Variants in P2RX4 observed in about 807,000 individuals in gnomAD.
P2RX4 encodes P2X purinoceptor 4.
In P2RX4, 37 loss-of-function variants were observed where a neutral mutation model predicts 48.0. The ratio of observed to expected loss-of-function variants is 0.77; its 90% CI spans 0.59 to 1.01. P2RX4 has a LOEUF of 1.01. Ranked by LOEUF, P2RX4 falls within the 50% of genes least tolerant of loss-of-function variation. The pLI, the probability that P2RX4 is intolerant of heterozygous loss-of-function variation, is 0.00. For missense variants in P2RX4, 501 were observed against 521.4 expected, an observed-to-expected ratio of 0.96 and a Z score of 0.38; for synonymous variants, 200 against 199.7, an observed-to-expected ratio of 1.00 and a Z score of -0.01.
chr12:121,225,900 T>G (rs1463849438), intron 5 of P2RX4, among the ~76,000 whole-genome samples: 1 of 152,078 alleles, frequency 6.6e-6, no homozygotes, highest in African/African-American at 2.4e-5. Flanking sequence ...ACTTTTTTTT[T>G]GACACAGGAT....
intron 5 of P2RX4, among the ~76,000 whole-genome samples, chr12:121,227,921 A>C (rs1232682753): frequency 6.7e-6 from 1 of 148,544 alleles, no homozygotes; most frequent in African/African-American, 2.5e-5. Flanking sequence ...CTTCATGTCT[A>C]CAAAAAAAAA....
chr12:121,231,178 G>A (rs773070368), intron 8 of P2RX4, among the ~76,000 whole-genome samples: 3 of 151,642 alleles, frequency 2.0e-5, no homozygotes, highest in South Asian at 2.1e-4. Flanking sequence ...TATTAGAGAC[G>A]GGGTTTCTCC....
intron 5 of P2RX4, among the ~76,000 whole-genome samples, chr12:121,225,055 A>G (rs1194281299): frequency 6.6e-6 from 1 of 150,732 alleles, no homozygotes; most frequent in Non-Finnish European, 1.5e-5. Flanking sequence ...TAGGAAGTGC[A>G]CTTATCATCA....
chr12:121,232,809 C>A lies in P2RX4; in HGVS notation c.1044+133C>A. The A allele has an allele frequency of 1.1e-6, 1 of 914,722 alleles. No individual in the cohort carries two copies. 56.7% of individuals were successfully genotyped at this position (914,722 alleles called of 1,614,324 possible). Reference sequence around the variant, plus strand: ...CCCTCCTACCTTCTTTCCCTTGGCCCCCAGCCCTCCTCCCACCTTCCCTTC... The same window carrying A: ...CCCTCCTACCTTCTTTCCCTTGGCCACCAGCCCTCCTCCCACCTTCCCTTC... On this transcript the variant is annotated intron_variant, in intron 10 of 11. Coordinates refer to ENST00000337233, the MANE Select transcript of P2RX4 (RefSeq NM_002560.3). This position sits in a 1 kb window ranked among gnomAD's most constrained non-coding sequence, Gnocchi z 4.3.
rs2136251693 is a variant in P2RX4 at position 121,233,721 on chromosome 12, T to C, written c.*172T>C. 2.1e-6 allele frequency: 3 copies of C among 1,462,386 alleles called. No individual in the cohort carries two copies. Among genetic ancestry groups the C allele is most frequent in the Admixed American group, 4.5e-5 (2 of 44,416 alleles). 90.6% of individuals were successfully genotyped at this position (1,462,386 alleles called of 1,614,324 possible). ...CCTGTGTGTTGTGTGCAGGATCTGT[T>C]TGCCCACTCGGCCCAGGAGGTCAGC... is the stretch of plus-strand genomic sequence containing the variant. On this transcript the variant is annotated 3_prime_UTR_variant, in exon 12 of 12. Transcript: ENST00000337233.
At chr12:121,214,169 T>G (rs1433344783) in intron 1 of P2RX4, 1 of 152,136 alleles carries the variant, frequency 6.6e-6, no homozygotes, top group African/African-American at 2.4e-5. Flanking sequence ...GCCACTGCAC[T>G]TCAGCCTGGG....
chr12:121,216,976 A>G lies in P2RX4; in HGVS notation c.135-158A>G, dbSNP rs1273066170. The G allele has an allele frequency of 6.5e-6, 5 of 770,914 alleles. No homozygotes were observed. The African/African-American group carries it at 6.8e-5, about 10-fold the overall frequency. The allele number at this position is 770,914 out of a possible 1,614,324, so 47.8% of individuals were successfully genotyped here. On this transcript the variant is annotated intron_variant, in intron 1 of 11. Coordinates refer to ENST00000337233, the MANE Select transcript of P2RX4 (RefSeq NM_002560.3). ...TTAGGTGCTACCATCCCCATTTGGC[A>G]GAAGTGGAAATGGAGTCCCCTAGAA...
At chr12:121,224,433 G>A (rs1388454355) in intron 5 of P2RX4, among the ~76,000 whole-genome samples, 1 of 151,758 alleles carries the variant, frequency 6.6e-6, no homozygotes, top group Non-Finnish European at 1.5e-5. Flanking sequence ...GAGAAACCCC[G>A]TCTCCACTAA....
Position 121,232,598 on chromosome 12 carries a change from G to A in P2RX4, c.979-13G>A, listed in dbSNP as rs556691788. 13 of 1,613,344 alleles carry A rather than the reference G, an allele frequency of 8.1e-6. No homozygotes were observed. Among genetic ancestry groups the A allele is most frequent in the African/African-American group, 4.0e-5 (3 of 74,970 alleles). On this transcript the variant is annotated splice_polypyrimidine_tract_variant and intron_variant, in intron 9 of 11. Transcript: ENST00000337233. The surrounding 1 kb of genome is among the most constrained non-coding windows in gnomAD (Gnocchi z 4.3). The stretch of plus-strand genomic sequence containing the variant: ...TGCAGAAACACTTTTTTTCTTTTTC[G>A]GTGTCTTGGCAGGCAGGGAAATTTG...
In P2RX4 at chr12:121,232,385, TC is replaced by T. The variant is rs757866300; in HGVS notation, c.885-24del. On this transcript the variant is annotated intron_variant, in intron 8 of 11. Transcript: ENST00000337233. The surrounding 1 kb of genome is among the most constrained non-coding windows in gnomAD (Gnocchi z 4.3). The stretch of plus-strand genomic sequence containing the variant: ...GGCCCAAGGTCCTGCCCCAGCCATC[TC>T]CCCCTGATCCATCCTCCTTCCCCTC... 3.2e-4 allele frequency: 478 copies of T among 1,508,874 alleles called. No individual in the cohort carries two copies. Among genetic ancestry groups the T allele is most frequent in the Non-Finnish European group, 4.1e-4 (445 of 1,088,332 alleles). The allele number at this position is 1,508,874 out of a possible 1,614,324, so 93.5% of individuals were successfully genotyped here.
At chr12:121,233,450 G>A in intron 11 of P2RX4, 73 bp from the exon 12 acceptor site, 1 of 1,517,386 alleles carries the variant, frequency 6.6e-7, no homozygotes, top group African/African-American at 1.4e-5. Context: ...TGAAGTCCCA[G>A]GAGCGCACCT....
intron 8 of P2RX4, among the ~76,000 whole-genome samples, chr12:121,230,982 ATTTTTT>A (rs1306580537): frequency 8.8e-6 from 1 of 113,256 alleles, no homozygotes; most frequent in Non-Finnish European, 1.9e-5. Flanking sequence ...ATATATATAT[ATTTTTT>A]TTTTTTTCTT....
chr12:121,231,661 C>T (rs959194505), intron 8 of P2RX4, among the ~76,000 whole-genome samples: 4 of 152,200 alleles, frequency 2.6e-5, no homozygotes, highest in South Asian at 4.1e-4. Context: ...TGTTGACAGA[C>T]GACGTTTTGT....
chr12:121,223,416 G>C (rs985694594), intron 5 of P2RX4: 1 of 312,184 alleles, frequency 3.2e-6, no homozygotes, highest in African/African-American at 2.2e-5. Flanking sequence ...TCAACTCTGC[G>C]TGTCAGCCTT....
chr12:121,230,444 C>T (rs778090840), intron 8 of P2RX4, among the ~76,000 whole-genome samples: 1 of 152,248 alleles, frequency 6.6e-6, no homozygotes, highest in Non-Finnish European at 1.5e-5. Context: ...GTGCTTTGGG[C>T]TGCACTTGCC....
Position 121,217,173 on chromosome 12 carries a change from C to T in P2RX4, c.174C>T (p.Asp58=), listed in dbSNP as rs765180899. 2.6e-5 allele frequency: 42 copies of T among 1,614,070 alleles called. No individual in the cohort carries two copies. In the East Asian group the frequency reaches 4.5e-4, roughly 17 times the overall value. Residue 58 remains aspartate (D), a synonymous_variant, in exon 2 of 12, where the codon GAC becomes GAT. Coordinates refer to ENST00000337233, the MANE Select transcript of P2RX4 (RefSeq NM_002560.3). ...GGGAAAAGGGCTACCAGGAAACTGA[C>T]TCCGTGGTCAGCTCCGTTACGACCA... The part of the protein sequence containing the change: ...FVWEKGYQET[D]SVVSSVTTKV...
rs1887183759 is a variant in P2RX4, at chr12:121,229,080, T to C, written c.865T>C (p.Ser289Pro). The C allele has an allele frequency of 1.2e-6, 2 of 1,613,996 alleles. No individual in the cohort carries two copies. Among genetic ancestry groups the C allele is most frequent in the Non-Finnish European group, 1.7e-6 (2 of 1,180,020 alleles). Residue 289 changes from serine to proline, a missense_variant, in exon 8 of 12, where the codon TCT (serine) becomes CCT (proline). Coordinates refer to ENST00000337233, the MANE Select transcript of P2RX4 (RefSeq NM_002560.3). The surrounding 1 kb of genome is among the most constrained non-coding windows in gnomAD (Gnocchi z 4.6). ...TACACGGGACGTTGAGCACAACGTA[T>C]CTCCTGGCTACAATTTCAGGTGGGC... is the stretch of plus-strand genomic sequence containing the variant. ...LDTRDVEHNV[S>P]PGYNFRFAKY...
Position 121,233,790 on chromosome 12 carries a change from G to C in P2RX4, c.*241G>C. On this transcript the variant is annotated 3_prime_UTR_variant, in exon 12 of 12. Coordinates refer to ENST00000337233, the MANE Select transcript of P2RX4 (RefSeq NM_002560.3). ...TCAACTCTGCTTTTCCCGCAACCTGGGGTTGTCGGGGGAGCGCTGGCCCGA... is the reference window on the plus strand; with the variant it reads ...TCAACTCTGCTTTTCCCGCAACCTGCGGTTGTCGGGGGAGCGCTGGCCCGA... 1.1e-6 allele frequency: 1 copy of C among 888,702 alleles called. No individual in the cohort carries two copies. The highest frequency in any genetic ancestry group is 1.8e-5 in the South Asian group (1 of 56,710). The allele number at this position is 888,702 out of a possible 1,614,324, so 55.1% of individuals were successfully genotyped here. A position where few individuals can be genotyped will look rare whatever the true frequency, so the allele number is the denominator to read the frequency against.
chr12:121,233,516 T>C lies in P2RX4; in HGVS notation c.1141-7T>C. On this transcript the variant is annotated splice_region_variant and splice_polypyrimidine_tract_variant and intron_variant, in intron 11 of 11. Coordinates refer to ENST00000337233, the MANE Select transcript of P2RX4 (RefSeq NM_002560.3). ...GCACCTTGATCTGCTTGTGTCCTTC[T>C]TTGCAGGGTCTTGCTAGTGAGCTGG... The C allele has an allele frequency of 1.9e-6, 3 of 1,607,114 alleles. No homozygotes were observed. The highest frequency in any genetic ancestry group is 2.6e-6 in the Non-Finnish European group (3 of 1,176,434).
Sources: gnomAD v4.1 joint callset for allele counts (sites outside exome capture counted in the v4.1 genomes callset) on GRCh38, gnomAD v4.1.1 for gene constraint, Gnocchi (gnomAD v3.1) non-coding constraint, MANE v1.5 for transcripts, NCBI Gene and HGNC (gene_info 2026-07-23, HGNC 2026-07-21) for gene names.